Variants in ADK observed in about 807,000 individuals in gnomAD.
ADK encodes the protein N6,N6-dimethyladenosine kinase.
In ADK, 24 loss-of-function variants were observed where a neutral mutation model predicts 44.7. That is an observed-to-expected ratio of 0.54 (90% CI 0.39 to 0.76). The LOEUF (loss-of-function observed/expected upper bound fraction) is 0.76, where lower values mean the gene tolerates loss of function less well. Ranked by LOEUF, ADK falls within the 30% of genes least tolerant of loss-of-function variation. The probability of loss-of-function intolerance (pLI) is 0.00; values close to 1 mark genes in which losing one functional copy is unlikely to be tolerated. For missense variants in ADK, 321 were observed against 425.1 expected (o/e 0.76, Z 2.15); for synonymous variants, 128 against 142.6 (o/e 0.90, Z 0.73).
chr10:74,536,819 A>T (rs1402427059), intron 7 of ADK, among the ~76,000 whole-genome samples: 1 of 152,172 alleles, frequency 6.6e-6, no homozygotes, highest in East Asian at 1.9e-4. Flanking sequence ...ATGTTATAGC[A>T]TGTTATCAGA....
chr10:74,519,303 T>A (rs1273624298), intron 6 of ADK, among the ~76,000 whole-genome samples: 3 of 151,990 alleles, frequency 2.0e-5, no homozygotes, highest in Non-Finnish European at 4.4e-5. Flanking sequence ...ATGCTTCAAT[T>A]TTTACATTTA....
At chr10:74,508,387 C>CAGA (rs1848167448) in intron 6 of ADK, 1 of 152,102 alleles carries the variant, frequency 6.6e-6, no homozygotes, top group Admixed American at 6.6e-5. Context: ...TGATGGGAGG[C>CAGA]AGAAGACTTT....
At chr10:74,277,957 A>G (rs935707268) in intron 3 of ADK, among the ~76,000 whole-genome samples, 1 of 152,186 alleles carries the variant, frequency 6.6e-6, no homozygotes, top group Non-Finnish European at 1.5e-5. Context: ...ATATATCATT[A>G]TATGATCCAT....
Position 74,592,920 on chromosome 10 carries a change from A to G in ADK, c.762+3603A>G, listed in dbSNP as rs542070454. Reference sequence around the variant, plus strand: ...AGTCCTTCAGTCATACTAGGCACATATTGAGTACTCTATAGACTATGTAGC... The same window carrying G: ...AGTCCTTCAGTCATACTAGGCACATGTTGAGTACTCTATAGACTATGTAGC... On this transcript the variant is annotated intron_variant, in intron 8 of 10. Transcript: ENST00000539909. Among the ~76,000 whole-genome samples the G allele has an allele frequency of 2.6e-5, 4 of 152,342 alleles. No homozygotes were observed. In the East Asian group the frequency reaches 7.7e-4, roughly 29 times the overall value.
intron 3 of ADK, among the ~76,000 whole-genome samples, chr10:74,292,183 A>G (rs1049338489): frequency 1.3e-5 from 2 of 152,178 alleles, no homozygotes; most frequent in East Asian, 3.8e-4. Context: ...TATACCAAGA[A>G]TACCAGTCCT....
chr10:74,325,930 G>T (rs549636497), intron 4 of ADK, among the ~76,000 whole-genome samples: 1 of 151,948 alleles, frequency 6.6e-6, no homozygotes, highest in South Asian at 2.1e-4. Context: ...CTACCTCCTG[G>T]ATTCAAGTGA....
At chr10:74,438,432 G>A (rs541128081) in intron 6 of ADK, among the ~76,000 whole-genome samples, 47 of 150,322 alleles carry the variant, frequency 3.1e-4, no homozygotes, top group African/African-American at 9.8e-4. Context: ...GGGTTTTACC[G>A]TGTTAGCCAG....
chr10:74,253,913 C>T (rs35239000), intron 3 of ADK, among the ~76,000 whole-genome samples: 3,500 of 151,826 alleles, frequency 0.023, 58 homozygotes, highest in Non-Finnish European at 0.036. Context: ...ACTACAGGCA[C>T]GCACCATCAT....
At chr10:74,689,563 T>A (rs956646216) in intron 10 of ADK, among the ~76,000 whole-genome samples, 10 of 152,174 alleles carry the variant, frequency 6.6e-5, no homozygotes, top group African/African-American at 2.4e-4. Flanking sequence ...ACTTACAAAT[T>A]TGGTTTGCCA....
At chr10:74,217,695 A>G (rs1043358844) in intron 2 of ADK, among the ~76,000 whole-genome samples, 1 of 152,238 alleles carries the variant, frequency 6.6e-6, no homozygotes, top group Non-Finnish European at 1.5e-5. Context: ...ACGATCAGAC[A>G]GCAGCATTCG....
At chr10:74,185,966 G>A (rs7909032) in intron 1 of ADK, among the ~76,000 whole-genome samples, 1 of 151,068 alleles carries the variant, frequency 6.6e-6, no homozygotes, top group African/African-American at 2.4e-5. Context: ...TTCTGCCTCA[G>A]CCCCCTGAGT....
At chr10:74,619,079 G>A (rs936408884) in intron 9 of ADK, among the ~76,000 whole-genome samples, 2 of 148,080 alleles carry the variant, frequency 1.4e-5, no homozygotes, top group South Asian at 2.1e-4. Context: ...TTTCCTCCCC[G>A]AGCTTCAGGC....
chr10:74,372,774 C>T (rs1842702475), intron 4 of ADK, among the ~76,000 whole-genome samples: 1 of 151,992 alleles, frequency 6.6e-6, no homozygotes, highest in African/African-American at 2.4e-5. Flanking sequence ...GGCAGTTCTC[C>T]CCCAAATTGA....
chr10:74,383,177 C>T (rs892957553), intron 4 of ADK, among the ~76,000 whole-genome samples: 13 of 152,036 alleles, frequency 8.6e-5, no homozygotes, highest in African/African-American at 1.4e-4. Flanking sequence ...CAACCTTATG[C>T]CAGATTCTAT....
chr10:74,541,057 C>T (rs757466130), intron 7 of ADK, among the ~76,000 whole-genome samples: 1 of 151,926 alleles, frequency 6.6e-6, no homozygotes, highest in Admixed American at 6.6e-5. Context: ...CTCTGTTGCC[C>T]AGACTGGAGT....
chr10:74,707,682 G>T (rs1323390559), intron 10 of ADK, among the ~76,000 whole-genome samples: 1 of 148,934 alleles, frequency 6.7e-6, no homozygotes, highest in African/African-American at 2.5e-5. Flanking sequence ...AGAATGGCTT[G>T]AACCTGGGAG....
chr10:74,585,653 T>TA (rs2133908408), intron 7 of ADK, among the ~76,000 whole-genome samples: 1 of 152,338 alleles, frequency 6.6e-6, no homozygotes, highest in Non-Finnish European at 1.5e-5. Context: ...ATGTCAGATC[T>TA]AAAATGGAAA....
chr10:74,466,404 T>G (rs1846358737), intron 6 of ADK, among the ~76,000 whole-genome samples: 1 of 152,334 alleles, frequency 6.6e-6, no homozygotes, highest in African/African-American at 2.4e-5. Flanking sequence ...TCCCTCTGCC[T>G]TCAGTCCCTA....
At chr10:74,590,468 C>T (rs1851679797) in intron 8 of ADK, among the ~76,000 whole-genome samples, 1 of 152,058 alleles carries the variant, frequency 6.6e-6, no homozygotes, top group Non-Finnish European at 1.5e-5. Context: ...TGTCATCAGA[C>T]TTGACAAACG....
Sources: allele counts gnomAD v4.1 joint callset (sites outside exome capture counted in the v4.1 genomes callset), GRCh38; gene constraint gnomAD v4.1.1; transcripts MANE v1.5; gene names NCBI Gene and HGNC (gene_info 2026-07-23, HGNC 2026-07-21).